The following MMEL1 variants were observed in gnomAD, a reference collection of about 807,000 sequenced individuals.
MMEL1 encodes the protein membrane metallo-endopeptidase-like 1.
In MMEL1, 98 loss-of-function variants were observed where a neutral mutation model predicts 117.1. That is an observed-to-expected ratio of 0.84 (90% CI 0.71 to 0.99). MMEL1 has a LOEUF of 0.99. MMEL1 is among the 50% of genes least tolerant of loss of function. The probability of loss-of-function intolerance (pLI) is 0.00; values close to 1 mark genes in which losing one functional copy is unlikely to be tolerated. For synonymous variants in MMEL1, 390 were observed against 415.1 expected (o/e 0.94, Z 0.74); for missense variants, 1,014 against 1,049.1 (o/e 0.97, Z 0.46).
Position 2,612,783 on chromosome 1 carries a change from G to T in MMEL1, c.155-579C>A, listed in dbSNP as rs1357966051. Among the ~76,000 whole-genome samples the T allele has an allele frequency of 6.6e-6, 1 of 152,186 alleles. No individual in the cohort carries two copies. Among genetic ancestry groups the T allele is most frequent in the Admixed American group, 6.5e-5 (1 of 15,282 alleles). ...CCTGGTCAGCATCGGGGGCTCCTGG[G>T]ATGGCTGTCAACTGCCTGGAGAGAT... On this transcript the variant is annotated intron_variant, in intron 2 of 23. Transcript: ENST00000378412. The surrounding 1 kb of genome is among the most constrained non-coding windows in gnomAD (Gnocchi z 5.4).
rs1482702716 is a variant in MMEL1, at chr1:2,609,432, G to C, written c.455-13C>G. The C allele has an allele frequency of 6.2e-7, 1 of 1,606,410 alleles. No individual in the cohort carries two copies. Among genetic ancestry groups the C allele is most frequent in the South Asian group, 1.1e-5 (1 of 89,896 alleles). ...TTCTCCAGCACCGCTGTGGGCACAG[G>C]AAAAGGTTGGACAGAGGCCTGACGA... is the stretch of plus-strand genomic sequence containing the variant. On this transcript the variant is annotated splice_polypyrimidine_tract_variant and intron_variant, in intron 5 of 23. Transcript: ENST00000378412.
chr1:2,601,317 A>T (rs1327856655), intron 11 of MMEL1, among the ~76,000 whole-genome samples: 1 of 152,236 alleles, frequency 6.6e-6, no homozygotes, highest in African/African-American at 2.4e-5. Flanking sequence ...ATAGACACAC[A>T]GGAACACCTG....
At position 2,595,221 on chromosome 1, in the gene MMEL1, C is replaced by A; in HGVS notation, c.1584+55G>T. ...TGGCACAGAGGAGCCCCCAGGCAAT[C>A]AGGGCCCATGTCCACGGTGTGGGGG... is the stretch of plus-strand genomic sequence containing the variant. On this transcript the variant is annotated intron_variant, in intron 16 of 23. Transcript: ENST00000378412. This position sits in a 1 kb window ranked among gnomAD's most constrained non-coding sequence, Gnocchi z 4.8. The A allele has an allele frequency of 6.6e-7, 1 of 1,511,876 alleles. No individual in the cohort carries two copies. 93.7% of individuals were successfully genotyped at this position (1,511,876 alleles called of 1,614,324 possible).
intron 4 of MMEL1, among the ~76,000 whole-genome samples, chr1:2,610,331 G>A (rs1207914154): frequency 6.6e-6 from 1 of 152,202 alleles, no homozygotes; most frequent in Non-Finnish European, 1.5e-5. Flanking sequence ...TGAGTCGGCT[G>A]GGTTTTCACT....
intron 4 of MMEL1, among the ~76,000 whole-genome samples, chr1:2,610,496 C>T (rs1645107771): frequency 6.6e-6 from 1 of 152,214 alleles, no homozygotes; most frequent in African/African-American, 2.4e-5. Flanking sequence ...GCCCTGTAAG[C>T]CGGGCCCAGC....
rs1439018446 is a variant in MMEL1 at position 2,612,066 on chromosome 1, C to G, written c.232+61G>C. ...CCCCTGCCCCTCCACGGAGTCCCCC[C>G]ACCTTGGGAGGCCAGCGCCCACCTG... On this transcript the variant is annotated intron_variant, in intron 3 of 23. Coordinates refer to ENST00000378412, the MANE Select transcript of MMEL1 (RefSeq NM_033467.4). The surrounding 1 kb of genome is among the most constrained non-coding windows in gnomAD (Gnocchi z 5.4). The G allele has an allele frequency of 7.0e-7, 1 of 1,419,740 alleles. No individual in the cohort carries two copies. The highest frequency in any genetic ancestry group is 2.0e-5 in the Admixed American group (1 of 50,860). The allele number at this position is 1,419,740 out of a possible 1,614,324, so 87.9% of individuals were successfully genotyped here.
chr1:2,599,838 C>G (rs1413636400), intron 11 of MMEL1, among the ~76,000 whole-genome samples: 2 of 118,348 alleles, frequency 1.7e-5, no homozygotes, highest in Non-Finnish European at 3.4e-5. Context: ...GCCTGGGCAA[C>G]AGAGCAAGAC....
rs141794028 is a variant in MMEL1, at chr1:2,591,576, G to A, written c.2221C>T (p.His741Tyr). Residue 741 changes from histidine (H) to tyrosine (Y), a missense_variant, in exon 23 of 24, where the codon CAC becomes TAC. Transcript: ENST00000378412. The part of the protein sequence containing the change: ...FAIQSIKTDV[H>Y]SPLKYRVLGS... Reference sequence around the variant, plus strand: ...ACTTGCCTGTACTTCAGGGGACTGTGGACGTCTGTCTTGATGGATTGGATG... The same window carrying A: ...ACTTGCCTGTACTTCAGGGGACTGTAGACGTCTGTCTTGATGGATTGGATG... 137 of 1,613,910 alleles carry A rather than the reference G, an allele frequency of 8.5e-5. 1 individual carries two copies. The African/African-American group carries it at 1.7e-3, about 20-fold the overall frequency.
Position 2,612,163 on chromosome 1 carries a change from G to A in MMEL1, c.196C>T (p.Gln66Ter). ...CGTTTTACAAAGGTCCTCTCCTCCT[G>A]TAAGAAGCACAGCCGGCTAGCAAGG... ...PRLASRLCFL[Q>*]EERTFVKRKP... The change falls in exon 3 of 24, where the codon CAG becomes TAG. Residue 66 changes from glutamine to a stop codon, truncating the protein, a stop_gained. Transcript: ENST00000378412. LOFTEE classifies it high-confidence loss of function. This position sits in a 1 kb window ranked among gnomAD's most constrained non-coding sequence, Gnocchi z 5.4. 1.9e-6 allele frequency: 3 copies of A among 1,582,574 alleles called. No individual in the cohort carries two copies. The highest frequency in any genetic ancestry group is 2.6e-6 in the Non-Finnish European group (3 of 1,163,004).
At chr1:2,608,152 G>A (rs1468419594) in intron 6 of MMEL1, among the ~76,000 whole-genome samples, 1 of 152,124 alleles carries the variant, frequency 6.6e-6, no homozygotes, top group Non-Finnish European at 1.5e-5. Flanking sequence ...CAAGCCCAGC[G>A]CACCCAAGCA....
chr1:2,592,090 C>G, intron 21 of MMEL1, 63 bp from the exon 22 acceptor site: 1 of 1,410,432 alleles, frequency 7.1e-7, no homozygotes, highest in South Asian at 1.2e-5. Context: ...ACCCTCAGAT[C>G]TCAGGGCAGA....
intron 2 of MMEL1, among the ~76,000 whole-genome samples, chr1:2,620,778 G>GA (rs111447157): frequency 0.55 from 80,739 of 148,060 alleles, 23,792 homozygotes; most frequent in Non-Finnish European, 0.67. Flanking sequence ...ATAAAATAAT[G>GA]AAAAAAAAAA....
Position 2,595,293 on chromosome 1 carries a change from C to T in MMEL1, c.1567G>A (p.Asp523Asn), listed in dbSNP as rs1644815610. The T allele has an allele frequency of 6.2e-7, 1 of 1,613,780 alleles. No homozygotes were observed. The highest frequency in any genetic ancestry group is 8.5e-7 in the Non-Finnish European group (1 of 1,180,004). Residue 523 changes from aspartate to asparagine, a missense_variant, in exon 16 of 24, where the codon GAC becomes AAC. By Grantham distance (23) the Asp-to-Asn change is conservative. Transcript: ENST00000378412. The surrounding 1 kb of genome is among the most constrained non-coding windows in gnomAD (Gnocchi z 4.8). ...GGGCGCACATTGGAGTACTCCTCGT[C>T]CAGGCGCCTGTTCATCTCCTCCAGG... ...YILEEMNRRLDEEYSNLNFSE... is the reference protein window; with the variant it reads ...YILEEMNRRLNEEYSNLNFSE...
chr1:2,631,687 C>G (rs1251865502), intron 1 of MMEL1, among the ~76,000 whole-genome samples: 5 of 152,142 alleles, frequency 3.3e-5, no homozygotes, highest in Non-Finnish European at 5.9e-5. Context: ...CCCTCAGATG[C>G]TTCCTTTGAC....
At chr1:2,593,546 G>A (rs935533386) in intron 19 of MMEL1, among the ~76,000 whole-genome samples, 16 of 152,224 alleles carry the variant, frequency 1.1e-4, no homozygotes, top group Admixed American at 3.9e-4. Context: ...GTCACAGGCC[G>A]TGGGAGGGAA....
At chr1:2,617,599 C>CA (rs1557551700) in intron 2 of MMEL1, among the ~76,000 whole-genome samples, 2 of 151,788 alleles carry the variant, frequency 1.3e-5, no homozygotes, top group African/African-American at 2.4e-5. Flanking sequence ...GATTCTATCT[C>CA]AAAAAAAAGA....
intron 11 of MMEL1, 133 bp downstream of exon 11, chr1:2,603,751 G>A: frequency 1.3e-6 from 1 of 750,776 alleles, no homozygotes; most frequent in Non-Finnish European, 2.2e-6. Flanking sequence ...CAGGTACAGG[G>A]TCTCCCTGCT....
rs1327574185 is a variant in MMEL1, at chr1:2,632,881, A to C, written c.-53T>G. On this transcript the variant is annotated 5_prime_UTR_variant, in exon 1 of 24. Transcript: ENST00000378412. Reference sequence around the variant, plus strand: ...CACAACTCACCTTTGCTCACTCAGGAGTGGCTGCCGCCCACAGTCAGGCCC... The same window carrying C: ...CACAACTCACCTTTGCTCACTCAGGCGTGGCTGCCGCCCACAGTCAGGCCC... The C allele has an allele frequency of 2.1e-5, 21 of 985,456 alleles. No homozygotes were observed. The highest frequency in any genetic ancestry group is 2.4e-5 in the Non-Finnish European group (20 of 830,012). The allele number at this position is 985,456 out of a possible 1,614,324, so 61.0% of individuals were successfully genotyped here.
chr1:2,611,123 C>T (rs192750606), intron 4 of MMEL1, among the ~76,000 whole-genome samples, 158 bp downstream of exon 4: 2 of 152,330 alleles, frequency 1.3e-5, no homozygotes, highest in Admixed American at 6.5e-5. Flanking sequence ...ACACCAGCTC[C>T]GCCCGCTCCA....
Sources: gnomAD v4.1 joint callset for allele counts (sites outside exome capture counted in the v4.1 genomes callset) on GRCh38, gnomAD v4.1.1 for gene constraint, Gnocchi (gnomAD v3.1) non-coding constraint, MANE v1.5 for transcripts, NCBI Gene and HGNC (gene_info 2026-07-23, HGNC 2026-07-21) for gene names.